Variants in LIMA1 observed in about 807,000 individuals in gnomAD.
LIMA1 encodes the protein LIM domain and actin-binding protein 1.
Under a neutral mutation model 62.6 loss-of-function variants are expected in LIMA1, and 52 were observed. The ratio of observed to expected loss-of-function variants is 0.83; its 90% CI spans 0.67 to 1.05. The LOEUF (loss-of-function observed/expected upper bound fraction) is 1.05. LIMA1 is among the 50% of genes least tolerant of loss of function. LIMA1 has a pLI of 0.00. For synonymous variants in LIMA1, 302 were observed against 317.8 expected (o/e 0.95, Z 0.53); for missense variants, 780 against 902.2 (o/e 0.86, Z 1.74).
At chr12:50,224,047 A>G (rs1254877296) in intron 3 of LIMA1, among the ~76,000 whole-genome samples, 2 of 152,102 alleles carry the variant, frequency 1.3e-5, no homozygotes, top group African/African-American at 4.8e-5. Context: ...CAAAAAAAAA[A>G]AGAAAAATTA....
chr12:50,248,310 T>G (rs993114117), intron 2 of LIMA1, among the ~76,000 whole-genome samples: 2 of 152,242 alleles, frequency 1.3e-5, no homozygotes, highest in Non-Finnish European at 2.9e-5. Flanking sequence ...CTCTGTCTCT[T>G]ATTCTGTACC....
chr12:50,255,507 C>T (rs1021912369), intron 1 of LIMA1, among the ~76,000 whole-genome samples: 22 of 139,268 alleles, frequency 1.6e-4, no homozygotes, highest in Non-Finnish European at 1.7e-4. Flanking sequence ...GAGCCGTGAT[C>T]ACACCACTGT....
At chr12:50,191,198 T>C (rs1292276927) in intron 9 of LIMA1, 1 of 148,298 alleles carries the variant, frequency 6.7e-6, no homozygotes, top group African/African-American at 2.5e-5. Flanking sequence ...AAATTGCACA[T>C]CTCGTCCAAT....
At chr12:50,189,970 A>T (rs1940716754) in intron 9 of LIMA1, 1 of 150,312 alleles carries the variant, frequency 6.7e-6, no homozygotes, top group Admixed American at 6.7e-5. Context: ...TTGGCCTCCC[A>T]AAGTGCTGGG....
intron 4 of LIMA1, among the ~76,000 whole-genome samples, chr12:50,213,034 C>G (rs1037729779): frequency 6.6e-5 from 10 of 152,060 alleles, no homozygotes; most frequent in African/African-American, 2.4e-4. Context: ...AGGCTGGTCT[C>G]GAACTCCTGA....
chr12:50,212,858 A>G (rs1941281934), intron 4 of LIMA1, among the ~76,000 whole-genome samples: 1 of 152,166 alleles, frequency 6.6e-6, no homozygotes, highest in Admixed American at 6.5e-5. Context: ...TCTGTCGCCC[A>G]GGATGGAGTG....
At chr12:50,208,757 C>T (rs867342327) in intron 4 of LIMA1, among the ~76,000 whole-genome samples, 2 of 151,614 alleles carry the variant, frequency 1.3e-5, no homozygotes, top group Middle Eastern at 6.3e-3. Context: ...CCTGTAATCC[C>T]AACACTTTGG....
At chr12:50,178,393 A>T (rs955565218) in intron 10 of LIMA1, among the ~76,000 whole-genome samples, 1 of 152,110 alleles carries the variant, frequency 6.6e-6, no homozygotes, top group African/African-American at 2.4e-5. Flanking sequence ...CAAAAAATTT[A>T]AAAATTAGCT....
chr12:50,274,233 TTATTTAGCATTTACCAAG>T (rs1565866386), intron 1 of LIMA1, among the ~76,000 whole-genome samples: 1 of 152,138 alleles, frequency 6.6e-6, no homozygotes, highest in Non-Finnish European at 1.5e-5. Context: ...CAACAAATAT[TTATTTAGCATTTACCAAG>T]TCTTTGGCAG....
At chr12:50,205,948 C>A in intron 5 of LIMA1, 36 bp downstream of exon 5, 1 of 1,525,876 alleles carries the variant, frequency 6.6e-7, no homozygotes, top group South Asian at 1.2e-5. Flanking sequence ...TGAGTACTTC[C>A]TAAAGGACCT....
At chr12:50,243,241 T>C (rs1229713141) in intron 2 of LIMA1, among the ~76,000 whole-genome samples, 1 of 152,220 alleles carries the variant, frequency 6.6e-6, no homozygotes, top group Admixed American at 6.5e-5. Flanking sequence ...AAAGTAAAGC[T>C]GACTTATCTA....
intron 10 of LIMA1, among the ~76,000 whole-genome samples, chr12:50,180,007 A>G (rs928447866): frequency 1.3e-5 from 2 of 151,392 alleles, no homozygotes; most frequent in Non-Finnish European, 2.9e-5. Context: ...TCTACTAAGA[A>G]ATACAAAAAT....
chr12:50,274,643 C>T (rs1942254806), intron 1 of LIMA1, among the ~76,000 whole-genome samples: 1 of 151,574 alleles, frequency 6.6e-6, no homozygotes, highest in Non-Finnish European at 1.5e-5. Context: ...CTGGAGAAGC[C>T]GGACAATTAA....
intron 1 of LIMA1, among the ~76,000 whole-genome samples, chr12:50,269,930 A>G (rs1220715386): frequency 8.0e-5 from 12 of 149,246 alleles, no homozygotes; most frequent in Non-Finnish European, 1.3e-4. Context: ...AATAAAAAAA[A>G]AAAAAAAAAA....
chr12:50,194,200 G>A (rs1366470301), intron 8 of LIMA1, among the ~76,000 whole-genome samples: 1 of 151,738 alleles, frequency 6.6e-6, no homozygotes, highest in Non-Finnish European at 1.5e-5. Flanking sequence ...TGTTGACCAG[G>A]CTGGTCTTGA....
chr12:50,224,896 A>ATTTTT (rs773474227), intron 3 of LIMA1, among the ~76,000 whole-genome samples: 3 of 104,852 alleles, frequency 2.9e-5, no homozygotes, highest in African/African-American at 4.1e-5. Flanking sequence ...CATGCCTGGC[A>ATTTTT]TTTTTTTTTT....
intron 2 of LIMA1, among the ~76,000 whole-genome samples, chr12:50,237,203 C>T (rs1220873854): frequency 1.3e-5 from 2 of 152,128 alleles, no homozygotes; most frequent in African/African-American, 2.4e-5. Context: ...CTGAGAACAA[C>T]CTGAATGTCC....
intron 1 of LIMA1, among the ~76,000 whole-genome samples, chr12:50,270,835 G>C (rs890056443): frequency 6.6e-6 from 1 of 152,104 alleles, no homozygotes; most frequent in Non-Finnish European, 1.5e-5. Context: ...TTGGGCACCT[G>C]TAATCCCAGC....
intron 1 of LIMA1, among the ~76,000 whole-genome samples, chr12:50,280,071 G>A (rs530730466): frequency 2.7e-5 from 4 of 147,602 alleles, no homozygotes; most frequent in African/African-American, 1.0e-4. Context: ...ATCCACACTT[G>A]TTATCAGAAG....
Sources: allele counts gnomAD v4.1 joint callset (sites outside exome capture counted in the v4.1 genomes callset), GRCh38; gene constraint gnomAD v4.1.1; transcripts MANE v1.5; gene names NCBI Gene and HGNC (gene_info 2026-07-23, HGNC 2026-07-21).